DSCAM: variants seen among roughly 807,000 people sequenced by gnomAD.
The protein encoded by DSCAM is cell adhesion molecule DSCAM.
Under a neutral mutation model 217.7 loss-of-function variants are expected in DSCAM, and 47 were observed. The ratio of observed to expected loss-of-function variants is 0.22; its 90% CI spans 0.17 to 0.28. DSCAM has a LOEUF of 0.28. Ranked by LOEUF, DSCAM falls within the 10% of genes least tolerant of loss-of-function variation. DSCAM has a pLI of 1.00. For missense variants in DSCAM, 2,080 were observed against 2,618.3 expected, an observed-to-expected ratio of 0.79 and a Z score of 4.49; for synonymous variants, 1,056 against 1,015.3, an observed-to-expected ratio of 1.04 and a Z score of -0.76.
intron 3 of DSCAM, among the ~76,000 whole-genome samples, chr21:40,515,769 C>G (rs373984835): frequency 6.6e-6 from 1 of 152,118 alleles, no homozygotes; most frequent in South Asian, 2.1e-4. Flanking sequence ...GCAATGTTAA[C>G]TGATTTCAAA....
rs773874249 is a variant in DSCAM, at chr21:40,338,242, G to C, written c.1642C>G (p.His548Asp). The C allele has an allele frequency of 6.2e-7, 1 of 1,614,232 alleles. No homozygotes were observed. Among genetic ancestry groups the C allele is most frequent in the Non-Finnish European group, 8.5e-7 (1 of 1,180,034 alleles). ...YKNSNLLPFN[H>D]RQVAFENNGT... is the part of the protein sequence containing the mutation. ...TTGTTCTCAAATGCCACTTGGCGGTGGTTGAAAGGAAGCAGGTTAGAGTTC... is the reference window on the plus strand; with the variant it reads ...TTGTTCTCAAATGCCACTTGGCGGTCGTTGAAAGGAAGCAGGTTAGAGTTC... The change falls in exon 8 of 33, where the codon CAC (histidine) becomes GAC (aspartate). Residue 548 changes from histidine (H) to aspartate (D), a missense_variant. Physicochemically the swap from His to Asp is moderately conservative, Grantham distance 81. This residue lies in a region of DSCAM where 218 missense variants were observed against 364.1 expected (regional missense o/e 0.60). Coordinates refer to ENST00000400454, the MANE Select transcript of DSCAM (RefSeq NM_001389.5).
At chr21:40,375,851 C>T (rs78678089) in intron 3 of DSCAM, among the ~76,000 whole-genome samples, 12 of 152,120 alleles carry the variant, frequency 7.9e-5, no homozygotes, top group East Asian at 5.8e-4. Flanking sequence ...TTTTAGATTT[C>T]GGCACATTTC....
intron 14 of DSCAM, among the ~76,000 whole-genome samples, chr21:40,186,415 T>C (rs182809040): frequency 1.7e-4 from 26 of 152,292 alleles, no homozygotes; most frequent in Non-Finnish European, 2.8e-4. Flanking sequence ...ATATCTTTTA[T>C]GAGACACAGT....
chr21:40,684,395 T>C (rs2090451999), intron 3 of DSCAM, among the ~76,000 whole-genome samples: 1 of 152,068 alleles, frequency 6.6e-6, no homozygotes. Flanking sequence ...GGCTGCTGGA[T>C]GGTTTACTCC....
At chr21:40,181,250 C>T (rs2090797193) in intron 14 of DSCAM, among the ~76,000 whole-genome samples, 1 of 152,136 alleles carries the variant, frequency 6.6e-6, no homozygotes, top group South Asian at 2.1e-4. Context: ...CAGTTTCCTC[C>T]TCCCATCAGG....
At chr21:40,376,531 A>T (rs180855387) in intron 3 of DSCAM, among the ~76,000 whole-genome samples, 1 of 72,586 alleles carries the variant, frequency 1.4e-5, no homozygotes, top group Non-Finnish European at 2.4e-5. Context: ...TATCTTATAT[A>T]GATATCGATA....
chr21:40,135,312 T>G (rs186799988), intron 18 of DSCAM, among the ~76,000 whole-genome samples: 2 of 152,338 alleles, frequency 1.3e-5, no homozygotes, highest in Non-Finnish European at 2.9e-5. Flanking sequence ...CTGGCCTCCA[T>G]ATAGGGAGTG....
intron 3 of DSCAM, among the ~76,000 whole-genome samples, chr21:40,511,248 G>A (rs2076255121): frequency 6.6e-6 from 1 of 152,080 alleles, no homozygotes; most frequent in Admixed American, 6.5e-5. Flanking sequence ...TTATTTTATA[G>A]ATAAAGAAAT....
At chr21:40,824,460 A>G (rs1224842065) in intron 1 of DSCAM, among the ~76,000 whole-genome samples, 2 of 139,748 alleles carry the variant, frequency 1.4e-5, no homozygotes, top group Non-Finnish European at 3.0e-5. Context: ...CCCAGGCTGG[A>G]GTGCAGTGGC....
chr21:40,487,328 A>T (rs8130751), intron 3 of DSCAM, among the ~76,000 whole-genome samples: 1,037 of 54,656 alleles, frequency 0.019, 8 homozygotes, highest in Middle Eastern at 0.046. Context: ...TGTGTGTGTG[A>T]GAGAGAGAGA....
intron 11 of DSCAM, among the ~76,000 whole-genome samples, chr21:40,245,006 G>A (rs2073203977): frequency 6.6e-6 from 1 of 152,156 alleles, no homozygotes; most frequent in Admixed American, 6.5e-5. Flanking sequence ...GAGGGAGGGA[G>A]GGAGGGATGC....
At chr21:40,428,159 A>G (rs2075493793) in intron 3 of DSCAM, among the ~76,000 whole-genome samples, 1 of 151,492 alleles carries the variant, frequency 6.6e-6, no homozygotes, top group Non-Finnish European at 1.5e-5. Context: ...CTAATATTTT[A>G]CCTGAGATTT....
At chr21:40,582,624 C>T (rs997020796) in intron 3 of DSCAM, among the ~76,000 whole-genome samples, 4 of 152,052 alleles carry the variant, frequency 2.6e-5, no homozygotes, top group African/African-American at 9.7e-5. Flanking sequence ...ATACATATTC[C>T]AGGAATTTGC....
At chr21:40,445,250 TG>T (rs2145920236) in intron 3 of DSCAM, among the ~76,000 whole-genome samples, 1 of 152,340 alleles carries the variant, frequency 6.6e-6, no homozygotes, top group South Asian at 2.1e-4. Flanking sequence ...ATATGAATTC[TG>T]GGGTGACACC....
At chr21:40,283,302 C>T (rs2073787082) in intron 10 of DSCAM, among the ~76,000 whole-genome samples, 1 of 152,202 alleles carries the variant, frequency 6.6e-6, no homozygotes. Flanking sequence ...AACCAGCAGT[C>T]ATTAATTAAA....
rs532794782 is a variant in DSCAM, at chr21:40,152,906, G to T, written c.3019-8175C>A. On this transcript the variant is annotated intron_variant, in intron 16 of 32. Transcript: ENST00000400454. The stretch of plus-strand genomic sequence containing the variant: ...CCATTGAAAGGAAATGGCCTCTGCT[G>T]GATGTGCAGAATTCACCTGTTGGCT... Among the ~76,000 whole-genome samples the T allele has an allele frequency of 1.1e-4, 17 of 152,368 alleles. 1 individual carries two copies. The South Asian group carries it at 2.5e-3, about 22-fold the overall frequency.
intron 1 of DSCAM, among the ~76,000 whole-genome samples, chr21:40,845,975 T>C (rs2092141771): frequency 1.3e-5 from 2 of 151,366 alleles, no homozygotes. Context: ...TATTCACTGA[T>C]TTCATTTTTA....
intron 3 of DSCAM, among the ~76,000 whole-genome samples, chr21:40,475,960 A>G (rs1164737625): frequency 6.6e-6 from 1 of 152,196 alleles, no homozygotes; most frequent in African/African-American, 2.4e-5. Flanking sequence ...CATTCGAACT[A>G]TCTGTCAGGT....
At chr21:40,537,814 C>A (rs1426555326) in intron 3 of DSCAM, among the ~76,000 whole-genome samples, 1 of 152,184 alleles carries the variant, frequency 6.6e-6, no homozygotes, top group Non-Finnish European at 1.5e-5. Context: ...CTCAGAATTG[C>A]AGCCTCCAGA....
Sources: gnomAD v4.1 joint callset for allele counts (sites outside exome capture counted in the v4.1 genomes callset) on GRCh38, gnomAD v4.1.1 for gene constraint, gnomAD v4.1.1 regional missense constraint, MANE v1.5 for transcripts, NCBI Gene and HGNC (gene_info 2026-07-23, HGNC 2026-07-21) for gene names.